Variants in PCDHA6 observed in about 807,000 individuals in gnomAD.
PCDHA6 encodes protocadherin alpha 6.
PCDHA6 carries 55 observed loss-of-function variants against 60.3 expected under a neutral mutation model. The ratio of observed to expected loss-of-function variants is 0.91; its 90% CI spans 0.73 to 1.14. The LOEUF (loss-of-function observed/expected upper bound fraction) is 1.14. Among genes scored for constraint, PCDHA6 ranks in the 50% most tolerant of loss-of-function variants. PCDHA6 has a pLI of 0.00. For missense variants in PCDHA6, 1,327 were observed against 1,256.5 expected (o/e 1.06, Z -0.85); for synonymous variants, 652 against 557.9 (o/e 1.17, Z -2.38).
chr5:140,833,054 T>C (rs1193790961), intron 1 of PCDHA6, among the ~76,000 whole-genome samples: 1 of 152,118 alleles, frequency 6.6e-6, no homozygotes. Context: ...AGAAAAGTAA[T>C]ATGAGAAAAA....
chr5:140,921,283 C>T (rs1484079224), intron 1 of PCDHA6, among the ~76,000 whole-genome samples: 2 of 151,974 alleles, frequency 1.3e-5, no homozygotes, highest in Non-Finnish European at 2.9e-5. Flanking sequence ...TTGAAAAAAA[C>T]CTCAAATTTG....
intron 1 of PCDHA6, among the ~76,000 whole-genome samples, chr5:140,880,366 C>A (rs2058318245): frequency 6.6e-6 from 1 of 152,052 alleles, no homozygotes; most frequent in African/African-American, 2.4e-5. Flanking sequence ...AGATGAAAAC[C>A]ATGAGAGAAT....
chr5:140,877,463 C>T (rs782373755), intron 1 of PCDHA6: 1 of 1,613,772 alleles, frequency 6.2e-7, no homozygotes, highest in East Asian at 2.2e-5. Flanking sequence ...TCCACGGCCA[C>T]GGTGCTGGTG....
intron 1 of PCDHA6, among the ~76,000 whole-genome samples, chr5:140,920,583 C>T (rs1287573835): frequency 1.3e-5 from 2 of 152,106 alleles, no homozygotes; most frequent in African/African-American, 4.8e-5. Flanking sequence ...CAGTGGCTCA[C>T]GCCTGTAATC....
At chr5:140,936,043 C>A (rs1246569956) in intron 1 of PCDHA6, among the ~76,000 whole-genome samples, 1 of 152,038 alleles carries the variant, frequency 6.6e-6, no homozygotes, top group Non-Finnish European at 1.5e-5. Context: ...CAGGCACCCA[C>A]CACCACACCC....
At chr5:140,868,317 C>G (rs2050392446) in intron 1 of PCDHA6, 2 of 151,824 alleles carry the variant, frequency 1.3e-5, no homozygotes, top group South Asian at 4.2e-4. Context: ...TCATATTGTT[C>G]TGCAATGAAT....
chr5:140,908,169 C>T (rs1361651305), intron 1 of PCDHA6, among the ~76,000 whole-genome samples: 2 of 152,192 alleles, frequency 1.3e-5, no homozygotes, highest in African/African-American at 4.8e-5. Context: ...TGTAGTGCTG[C>T]AGCTGTCCAC....
chr5:140,971,500 TAGG>T (rs2096483491), intron 1 of PCDHA6, among the ~76,000 whole-genome samples: 2 of 152,136 alleles, frequency 1.3e-5, no homozygotes, highest in Admixed American at 1.3e-4. Flanking sequence ...TGTGGCAAGA[TAGG>T]AGCAAAAGCC....
intron 1 of PCDHA6, among the ~76,000 whole-genome samples, chr5:140,872,606 A>AT (rs1302987061): frequency 6.6e-6 from 1 of 151,888 alleles, no homozygotes; most frequent in Non-Finnish European, 1.5e-5. Context: ...TGAAAAAATA[A>AT]TTTTTTTTGC....
At chr5:140,919,925 G>A (rs2079351459) in intron 1 of PCDHA6, among the ~76,000 whole-genome samples, 1 of 152,124 alleles carries the variant, frequency 6.6e-6, no homozygotes, top group African/African-American at 2.4e-5. Flanking sequence ...AAATTTTCAG[G>A]TGGGGGCTAA....
At chr5:140,955,296 G>A (rs1554221862) in intron 1 of PCDHA6, among the ~76,000 whole-genome samples, 1 of 151,904 alleles carries the variant, frequency 6.6e-6, no homozygotes, top group Admixed American at 6.6e-5. Context: ...GTTTGGCTGT[G>A]TCCCCACCCA....
chr5:140,850,892 G>A (rs2041866822), intron 1 of PCDHA6: 1 of 1,577,404 alleles, frequency 6.3e-7, no homozygotes, highest in South Asian at 1.1e-5. Flanking sequence ...CTGGGAAGGT[G>A]GGTTTTTCTA....
At position 140,829,045 on chromosome 5, in the gene PCDHA6, C is replaced by T; in HGVS notation, c.954C>T (p.Ile318=). The part of the protein sequence containing the change: ...LDFEQENLYK[I]LIDATDKGHP... ...TTGAACAAGAAAACTTATACAAAATCCTCATTGACGCCACGGACAAAGGCC... is the reference window on the plus strand; with the variant it reads ...TTGAACAAGAAAACTTATACAAAATTCTCATTGACGCCACGGACAAAGGCC... The change falls in exon 1 of 4, where the codon ATC becomes ATT. Residue 318 remains isoleucine, a synonymous_variant. Transcript: ENST00000529310. The T allele has an allele frequency of 6.2e-7, 1 of 1,612,830 alleles. No individual in the cohort carries two copies. The highest frequency in any genetic ancestry group is 1.1e-5 in the South Asian group (1 of 91,034).
At chr5:140,843,844 A>T in intron 1 of PCDHA6, 1 of 1,001,286 alleles carries the variant, frequency 1.0e-6, no homozygotes, top group Non-Finnish European at 1.5e-6. Flanking sequence ...GTTTTTAGAA[A>T]CCTTTTATAA....
At chr5:140,969,267 G>A in intron 1 of PCDHA6, 5 of 1,614,208 alleles carry the variant, frequency 3.1e-6, no homozygotes, top group South Asian at 2.2e-5. Flanking sequence ...AATCTCACAG[G>A]CCAAAGTGGT....
At chr5:140,993,460 TCTCACA>T (rs782519654) in intron 3 of PCDHA6, among the ~76,000 whole-genome samples, 239 of 104,566 alleles carry the variant, frequency 2.3e-3, no homozygotes, top group Admixed American at 6.0e-3. Context: ...CTTCTTTCTT[TCTCACA>T]CACACACACA....
At chr5:140,844,954 C>T (rs1258176227) in intron 1 of PCDHA6, among the ~76,000 whole-genome samples, 1 of 149,088 alleles carries the variant, frequency 6.7e-6, no homozygotes, top group African/African-American at 2.5e-5. Flanking sequence ...ACTCTGAATT[C>T]TTACAGTTTG....
At chr5:140,843,030 T>C in intron 1 of PCDHA6, 1 of 1,594,962 alleles carries the variant, frequency 6.3e-7, no homozygotes, top group African/African-American at 1.3e-5. Flanking sequence ...GAGCCTCGGG[T>C]GGGTGGCACT....
At position 140,839,681 on chromosome 5, in the gene PCDHA6, G is replaced by T. The variant is rs149210485; in HGVS notation, c.2394+9196G>T. On this transcript the variant is annotated intron_variant, in intron 1 of 3. Coordinates refer to ENST00000529310, the MANE Select transcript of PCDHA6 (RefSeq NM_018909.4). Reference sequence around the variant, plus strand: ...GCTACTATTTAGAGTCAACTACAGAGATTTTTTTGGGTAAATAATGTGATG... The same window carrying T: ...GCTACTATTTAGAGTCAACTACAGATATTTTTTTGGGTAAATAATGTGATG... Among the ~76,000 whole-genome samples the T allele has an allele frequency of 4.2e-3, 640 of 152,116 alleles. 7 individuals are homozygous for T. The highest frequency in any genetic ancestry group is 0.033 in the South Asian group (157 of 4,822).
Sources: allele counts gnomAD v4.1 joint callset (sites outside exome capture counted in the v4.1 genomes callset), GRCh38; gene constraint gnomAD v4.1.1; transcripts MANE v1.5; gene names NCBI Gene and HGNC (gene_info 2026-07-23, HGNC 2026-07-21).